CRYZL1: variants seen among roughly 807,000 people sequenced by gnomAD.
CRYZL1 encodes the protein ferry endosomal RAB5 effector complex subunit 4.
In CRYZL1, 34 loss-of-function variants were observed where a neutral mutation model predicts 50.6. The observed-to-expected ratio is 0.67, with a 90% CI of 0.51 to 0.89. The LOEUF is 0.89. Among genes scored for constraint, CRYZL1 ranks in the 40% least tolerant of loss-of-function variants. CRYZL1 has a pLI of 0.00. For synonymous variants in CRYZL1, 125 were observed against 134.3 expected (o/e 0.93, Z 0.48); for missense variants, 354 against 402.3 (o/e 0.88, Z 1.03).
chr21:33,620,003 C>A (rs993834157), intron 4 of CRYZL1, among the ~76,000 whole-genome samples: 1 of 152,176 alleles, frequency 6.6e-6, no homozygotes, highest in Non-Finnish European at 1.5e-5. Context: ...AGAGAGTGAA[C>A]CGTTTAAGGG....
intron 6 of CRYZL1, among the ~76,000 whole-genome samples, chr21:33,604,600 A>G (rs891327941): frequency 4.6e-5 from 7 of 151,784 alleles, no homozygotes. Flanking sequence ...TACCATATGC[A>G]TTCTTTTCTA....
At chr21:33,616,017 G>C (rs2086926497) in intron 5 of CRYZL1, among the ~76,000 whole-genome samples, 1 of 152,014 alleles carries the variant, frequency 6.6e-6, no homozygotes, top group Admixed American at 6.5e-5. Flanking sequence ...TGCCATGCTG[G>C]TGCGCTGCAC....
intron 6 of CRYZL1, among the ~76,000 whole-genome samples, chr21:33,613,185 A>G (rs1007446338): frequency 1.3e-5 from 2 of 152,064 alleles, no homozygotes; most frequent in African/African-American, 2.4e-5. Flanking sequence ...TCTAAATTTT[A>G]TATGTTTTTT....
intron 1 of CRYZL1, among the ~76,000 whole-genome samples, chr21:33,636,629 T>C (rs2087209728): frequency 6.6e-6 from 1 of 152,178 alleles, no homozygotes. Context: ...GAACGAGAAC[T>C]TTGCATAAAT....
intron 2 of CRYZL1, among the ~76,000 whole-genome samples, chr21:33,627,794 G>A (rs1444281609): frequency 6.9e-6 from 1 of 144,980 alleles, no homozygotes; most frequent in African/African-American, 2.6e-5. Flanking sequence ...GCCCAGGCTG[G>A]AGTGCAGTGG....
At chr21:33,627,399 T>C (rs888350245) in intron 2 of CRYZL1, among the ~76,000 whole-genome samples, 1 of 152,070 alleles carries the variant, frequency 6.6e-6, no homozygotes, top group Non-Finnish European at 1.5e-5. Flanking sequence ...GTGCCTGGCC[T>C]AAATGTTTTA....
At chr21:33,604,588 C>G (rs1422594528) in intron 6 of CRYZL1, among the ~76,000 whole-genome samples, 1 of 151,462 alleles carries the variant, frequency 6.6e-6, no homozygotes, top group Non-Finnish European at 1.5e-5. Flanking sequence ...TGAATGGAAT[C>G]ATACCATATG....
At chr21:33,613,660 T>C in intron 5 of CRYZL1, 54 bp from the exon 6 acceptor site, 1 of 1,211,364 alleles carries the variant, frequency 8.3e-7, no homozygotes. Flanking sequence ...TCATTCCTAA[T>C]GAGAGGCCAG....
intron 6 of CRYZL1, among the ~76,000 whole-genome samples, chr21:33,604,626 T>C (rs1408194680): frequency 6.6e-6 from 1 of 152,170 alleles, no homozygotes; most frequent in Non-Finnish European, 1.5e-5. Context: ...CTTTTTATGT[T>C]CCATATTATG....
intron 8 of CRYZL1, among the ~76,000 whole-genome samples, chr21:33,600,113 G>A (rs966645237): frequency 1.3e-5 from 2 of 152,088 alleles, no homozygotes; most frequent in East Asian, 1.9e-4. Context: ...ATCCTAAATC[G>A]AAACACTGTC....
chr21:33,603,471 TAGG>T lies in CRYZL1; in HGVS notation c.395_397del (p.Ala132_Tyr133delinsAsp). 12 of 1,614,202 alleles carry T rather than the reference TAGG, an allele frequency of 7.4e-6. No individual in the cohort carries two copies. Among genetic ancestry groups the T allele is most frequent in the Non-Finnish European group, 1.0e-5 (12 of 1,180,040 alleles). ...ATGAGAAAGATAATGCAGAGCTGTA[TAGG>T]CACGCACTCCATCCCGAATGCTTCC... On this transcript the variant is annotated inframe_deletion, in exon 7 of 13. Coordinates refer to ENST00000381554, the MANE Select transcript of CRYZL1 (RefSeq NM_145858.3).
intron 6 of CRYZL1, among the ~76,000 whole-genome samples, chr21:33,612,355 C>T (rs995316621): frequency 4.6e-5 from 7 of 151,014 alleles, no homozygotes; most frequent in African/African-American, 7.3e-5. Context: ...GGTGCCATCT[C>T]GGCTCCCTGT....
In CRYZL1 at chr21:33,598,174, T is replaced by C. The variant is rs539703722; in HGVS notation, c.677-773A>G. ...ACACTGATAGCTTAATATAGTGAGA[T>C]GAATTGATTCCCAATTAAAAAACTC... is the stretch of plus-strand genomic sequence containing the variant. On this transcript the variant is annotated intron_variant, in intron 9 of 12. Coordinates refer to ENST00000381554, the MANE Select transcript of CRYZL1 (RefSeq NM_145858.3). Among the ~76,000 whole-genome samples, 17 of 152,356 alleles carry C rather than the reference T, an allele frequency of 1.1e-4. No homozygotes were observed. In the South Asian group the frequency reaches 2.5e-3, roughly 22 times the overall value.
intron 1 of CRYZL1, chr21:33,640,219 T>C (rs1321477522): frequency 6.5e-7 from 1 of 1,546,736 alleles, no homozygotes; most frequent in Non-Finnish European, 8.7e-7. Context: ...ATCTTAGAAA[T>C]ATTTCATTGC....
chr21:33,621,956 C>T (rs1419451830), intron 4 of CRYZL1, 40 bp downstream of exon 4: 1 of 1,413,126 alleles, frequency 7.1e-7, no homozygotes, highest in Non-Finnish European at 9.9e-7. Context: ...TCTCTTTTAC[C>T]TTAGAAAATA....
rs549081963 is a variant in CRYZL1, at chr21:33,617,556, A to ACGTCTC, written c.218-812_218-807dup. Among the ~76,000 whole-genome samples the ACGTCTC allele has an allele frequency of 3.1e-4, 47 of 152,260 alleles. 1 individual carries two copies. In the South Asian group the frequency reaches 9.8e-3, roughly 32 times the overall value. On this transcript the variant is annotated intron_variant, in intron 4 of 12. Transcript: ENST00000381554. ...TTGGCCGGGAGCTTCGGCAAGACTC[A>ACGTCTC]CGTCTCCAAAAACTGAGCTCCCCAA...
In CRYZL1 at chr21:33,595,758, A is replaced by C; in HGVS notation, c.877T>G (p.Ser293Ala). The C allele has an allele frequency of 6.2e-7, 1 of 1,614,104 alleles. No individual in the cohort carries two copies. Among genetic ancestry groups the C allele is most frequent in the African/African-American group, 1.3e-5 (1 of 75,056 alleles). Reference sequence around the variant, plus strand: ...AGATATTTTCCCTGTTGTACATTTGACAAATTCCAAACTTCATCATTCAGG... The same window carrying C: ...AGATATTTTCCCTGTTGTACATTTGCCAAATTCCAAACTTCATCATTCAGG... ...AFLNDEVWNL[S>A]NVQQGKYLCI... is the part of the protein sequence containing the mutation. The change falls in exon 11 of 13, where the codon TCA (serine) becomes GCA (alanine). Residue 293 changes from serine (S) to alanine (A), a missense_variant. Transcript: ENST00000381554.
intron 9 of CRYZL1, among the ~76,000 whole-genome samples, chr21:33,597,955 A>C (rs1333844668): frequency 6.6e-6 from 1 of 152,218 alleles, no homozygotes; most frequent in Non-Finnish European, 1.5e-5. Context: ...TATTTTTCTT[A>C]GAAAAAGCAA....
Position 33,603,410 on chromosome 21 carries a change from T to C in CRYZL1, c.459A>G (p.Gly153=). ...CAAAACCATTAGCACCTACACTTGC[T>C]CCATCCATTATCAGCACTGATTTTC... ...SPGKSVLIMD[G]ASAFGTIAIQ... The change falls in exon 7 of 13, where the codon GGA becomes GGG. Residue 153 remains glycine (G), a synonymous_variant. Transcript: ENST00000381554. 1 of 1,614,070 alleles carries C rather than the reference T, an allele frequency of 6.2e-7. No individual in the cohort carries two copies. Among genetic ancestry groups the C allele is most frequent in the Non-Finnish European group, 8.5e-7 (1 of 1,180,012 alleles).
Sources: gnomAD v4.1 joint callset for allele counts (sites outside exome capture counted in the v4.1 genomes callset) on GRCh38, gnomAD v4.1.1 for gene constraint, MANE v1.5 for transcripts, NCBI Gene and HGNC (gene_info 2026-07-23, HGNC 2026-07-21) for gene names.